The following POF1B variants were observed in gnomAD, a reference collection of about 807,000 sequenced individuals.
POF1B encodes the protein protein POF1B.
A neutral mutation model predicts 55.3 loss-of-function variants in POF1B; 53 were observed. The ratio of observed to expected loss-of-function variants is 0.96; its 90% CI spans 0.77 to 1.20. The LOEUF (loss-of-function observed/expected upper bound fraction) is 1.20, where lower values mean the gene tolerates loss of function less well. Ranked by LOEUF, POF1B falls within the 50% of genes most tolerant of loss-of-function variation. The pLI is 0.00. For missense variants in POF1B, 478 were observed against 420.5 expected (o/e 1.14, Z -1.20); for synonymous variants, 188 against 148.3 (o/e 1.27, Z -1.95).
At chrX:85,280,857 T>C (rs1931880492) in intron 16 of POF1B, among the ~76,000 whole-genome samples, 1 of 111,037 alleles carries the variant, frequency 9.0e-6, no homozygotes, top group Admixed American at 9.6e-5. Context: ...AGCATTCTGT[T>C]AGCAGAGTTT....
intron 5 of POF1B, among the ~76,000 whole-genome samples, chrX:85,347,916 A>T (rs778901051): frequency 5.2e-4 from 58 of 111,090 alleles, no homozygotes; most frequent in Non-Finnish European, 9.7e-4. Context: ...AATTACACTG[A>T]TAGTCTGAGA....
chrX:85,316,769 A>G (rs1188438086), intron 7 of POF1B, among the ~76,000 whole-genome samples: 1 of 110,323 alleles, frequency 9.1e-6, no homozygotes, highest in East Asian at 2.9e-4. Context: ...CAGGTTTGTT[A>G]TATAGGTAAA....
Position 85,304,452 on chromosome X carries a change from TG to T in POF1B, c.1456del (p.His486IlefsTer21). 8.7e-7 allele frequency: 1 copy of T among 1,155,093 alleles called. No individual in the cohort carries two copies. The part of the protein sequence containing the change: ...CRLRSQLNQY[H>X]KDVSKREGSC... ...TCCTTCTCTCTTTGAAACATCTTTA[TG>T]GTACTGGTTTAATTGGGACTAAGGA... On this transcript the variant is annotated frameshift_variant, in exon 14 of 17. Transcript: ENST00000262753. LOFTEE classifies it high-confidence loss of function.
At chrX:85,333,938 T>C (rs1933020195) in intron 6 of POF1B, among the ~76,000 whole-genome samples, 2 of 102,428 alleles carry the variant, frequency 2.0e-5, no homozygotes, top group Non-Finnish European at 4.0e-5. Flanking sequence ...CATAATCCAT[T>C]TGGGTTCAAA....
At chrX:85,360,653 T>C (rs1292340936) in intron 3 of POF1B, among the ~76,000 whole-genome samples, 1 of 105,455 alleles carries the variant, frequency 9.5e-6, no homozygotes, top group Non-Finnish European at 1.9e-5. Flanking sequence ...TGAACATTCA[T>C]GTACATGTGT....
intron 15 of POF1B, among the ~76,000 whole-genome samples, chrX:85,296,232 T>C (rs1215034069): frequency 1.8e-5 from 2 of 111,820 alleles, no homozygotes; most frequent in Non-Finnish European, 3.8e-5. Context: ...TTGACTTTTT[T>C]ACATTCAAGG....
rs1210037729 is a variant in POF1B at position 85,346,034 on chromosome X, A to T, written c.549T>A (p.His183Gln). The change falls in exon 6 of 17, where the codon CAT (histidine) becomes CAA (glutamine). Residue 183 changes from histidine (H) to glutamine (Q), a missense_variant. By Grantham distance (24) the His-to-Gln change is conservative. Transcript: ENST00000262753. ...VEKLNTDQGC[H>Q]PQAQCHHHII... ...TGTGATGATGGCATTGAGCCTGAGGATGGCACCCCTAAGACACATACACAT... is the reference window on the plus strand; with the variant it reads ...TGTGATGATGGCATTGAGCCTGAGGTTGGCACCCCTAAGACACATACACAT... 8.3e-5 allele frequency: 98 copies of T among 1,185,413 alleles called. No homozygotes were observed. The highest frequency in any genetic ancestry group is 1.1e-4 in the Non-Finnish European group (95 of 881,379).
intron 2 of POF1B, among the ~76,000 whole-genome samples, chrX:85,376,703 G>C (rs1291733685): frequency 9.0e-6 from 1 of 110,689 alleles, no homozygotes. Flanking sequence ...GTGCACAAGA[G>C]GTTAAGAGAA....
At chrX:85,355,556 T>C (rs1441678949) in intron 4 of POF1B, among the ~76,000 whole-genome samples, 1 of 110,982 alleles carries the variant, frequency 9.0e-6, no homozygotes, top group Non-Finnish European at 1.9e-5. Context: ...TGCAATCTAT[T>C]CATCTGACAA....
At chrX:85,281,335 G>C (rs1266764942) in intron 16 of POF1B, among the ~76,000 whole-genome samples, 1 of 110,783 alleles carries the variant, frequency 9.0e-6, no homozygotes, top group Non-Finnish European at 1.9e-5. Flanking sequence ...TAAGGGACTT[G>C]AGCATCTACA....
intron 15 of POF1B, among the ~76,000 whole-genome samples, chrX:85,291,955 C>T (rs1932199627): frequency 9.0e-6 from 1 of 110,626 alleles, no homozygotes; most frequent in Admixed American, 9.7e-5. Flanking sequence ...TTGAATGTAC[C>T]TAACATTCAA....
chrX:85,367,511 C>T (rs1200251646), intron 3 of POF1B, among the ~76,000 whole-genome samples, 181 bp downstream of exon 3: 1 of 112,256 alleles, frequency 8.9e-6, no homozygotes, highest in Non-Finnish European at 1.9e-5. Context: ...GCACTTGTTT[C>T]ACATTACTTT....
intron 10 of POF1B, among the ~76,000 whole-genome samples, chrX:85,307,736 T>C: frequency 8.9e-6 from 1 of 111,955 alleles, no homozygotes; most frequent in East Asian, 2.8e-4. Flanking sequence ...GGAAAAAAAT[T>C]AATTTTTTGG....
chrX:85,346,837 T>C (rs906183309), intron 5 of POF1B, among the ~76,000 whole-genome samples: 1 of 110,725 alleles, frequency 9.0e-6, no homozygotes, highest in Non-Finnish European at 1.9e-5. Context: ...TTTACCCTAC[T>C]AATTTTGCAG....
At chrX:85,282,610 G>T (rs773871508) in intron 15 of POF1B, among the ~76,000 whole-genome samples, 2 of 111,014 alleles carry the variant, frequency 1.8e-5, no homozygotes, top group African/African-American at 3.3e-5. Flanking sequence ...GGCCCTACAA[G>T]TGCCTAGCTC....
intron 6 of POF1B, among the ~76,000 whole-genome samples, chrX:85,337,455 G>C (rs1933097075): frequency 9.0e-6 from 1 of 111,493 alleles, no homozygotes; most frequent in Non-Finnish European, 1.9e-5. Context: ...CCTAATTTTT[G>C]GTTCTTATGA....
chrX:85,298,874 G>A (rs1932371603), intron 15 of POF1B, among the ~76,000 whole-genome samples: 1 of 110,924 alleles, frequency 9.0e-6, no homozygotes, highest in Non-Finnish European at 1.9e-5. Flanking sequence ...TTTGAGGCCA[G>A]CCTGGGCAAC....
chrX:85,296,760 A>G (rs1285655783), intron 15 of POF1B, among the ~76,000 whole-genome samples: 1 of 111,460 alleles, frequency 9.0e-6, no homozygotes, highest in African/African-American at 3.3e-5. Context: ...GGTTCTGTAT[A>G]TTTCTTGAAT....
intron 2 of POF1B, among the ~76,000 whole-genome samples, chrX:85,369,766 G>A (rs530136585): frequency 2.7e-5 from 3 of 111,832 alleles, no homozygotes; most frequent in Non-Finnish European, 3.8e-5. Context: ...GATTGCTGGG[G>A]CATGGAGTAT....
Sources: gnomAD v4.1 joint callset for allele counts (sites outside exome capture counted in the v4.1 genomes callset) on GRCh38, gnomAD v4.1.1 for gene constraint, MANE v1.5 for transcripts, NCBI Gene and HGNC (gene_info 2026-07-23, HGNC 2026-07-21) for gene names.